Variants in EYS observed in about 807,000 individuals in gnomAD.
EYS encodes protein eyes shut homolog.
EYS carries 250 observed loss-of-function variants against 282.1 expected under a neutral mutation model. That is an observed-to-expected ratio of 0.89 (90% confidence interval 0.80 to 0.98). The LOEUF (loss-of-function observed/expected upper bound fraction) is 0.98. Among genes scored for constraint, EYS ranks in the 50% least tolerant of loss-of-function variants. The pLI, the probability that EYS is intolerant of heterozygous loss-of-function variation, is 0.00. For missense variants in EYS, 4,016 were observed against 3,709.0 expected, an observed-to-expected ratio of 1.08 and a Z score of -2.15; for synonymous variants, 1,355 against 1,282.9, an observed-to-expected ratio of 1.06 and a Z score of -1.20.
chr6:65,254,210 A>T (rs540543086), intron 12 of EYS, among the ~76,000 whole-genome samples: 1 of 151,920 alleles, frequency 6.6e-6, no homozygotes, highest in South Asian at 2.1e-4. Flanking sequence ...TCCCGCACCC[A>T]CACACCCTGA....
intron 28 of EYS, among the ~76,000 whole-genome samples, chr6:64,410,823 C>G (rs982514235): frequency 3.3e-5 from 5 of 152,152 alleles, no homozygotes; most frequent in African/African-American, 1.2e-4. Flanking sequence ...CTCTCACCTA[C>G]TATGATGATA....
In EYS at chr6:65,197,113, T is replaced by G. The variant is rs577860669; in HGVS notation, c.2023+98750A>C. The stretch of plus-strand genomic sequence containing the variant: ...CAGTAGATGCAGTTGTAGGCACTGT[T>G]AGAGGTACATGAGAGGCAGAATACA... On this transcript the variant is annotated intron_variant, in intron 12 of 42. Transcript: ENST00000503581. Among the ~76,000 whole-genome samples, 3 of 152,228 alleles carry G rather than the reference T, an allele frequency of 2.0e-5. No homozygotes were observed. The East Asian group carries it at 5.8e-4, about 30-fold the overall frequency.
chr6:64,240,443 T>G (rs961054827), intron 30 of EYS, among the ~76,000 whole-genome samples: 1 of 152,242 alleles, frequency 6.6e-6, no homozygotes, highest in Non-Finnish European at 1.5e-5. Context: ...CAGTGGTTTG[T>G]AGTTCTCCTT....
At chr6:65,156,558 T>C (rs1764734737) in intron 12 of EYS, among the ~76,000 whole-genome samples, 1 of 151,026 alleles carries the variant, frequency 6.6e-6, no homozygotes, top group Non-Finnish European at 1.5e-5. Context: ...AATATTTCAA[T>C]TAAATTTTGG....
At chr6:64,261,110 A>G (rs1158112855) in intron 30 of EYS, among the ~76,000 whole-genome samples, 1 of 152,076 alleles carries the variant, frequency 6.6e-6, no homozygotes, top group Admixed American at 6.6e-5. Flanking sequence ...TACACCAAAT[A>G]CTAGATCATA....
intron 26 of EYS, among the ~76,000 whole-genome samples, chr6:64,495,364 T>C (rs921048643): frequency 2.2e-4 from 33 of 151,986 alleles, no homozygotes; most frequent in Admixed American, 5.9e-4. Flanking sequence ...GATCTCAACT[T>C]GGACTTGGAA....
intron 2 of EYS, among the ~76,000 whole-genome samples, chr6:65,503,210 T>A (rs933197705): frequency 1.3e-5 from 2 of 151,724 alleles, no homozygotes; most frequent in Non-Finnish European, 3.0e-5. Flanking sequence ...CTTAAATTTC[T>A]AATGACAAAT....
chr6:63,864,497 C>T, intron 35 of EYS, 139 bp from the exon 36 acceptor site: 1 of 452,486 alleles, frequency 2.2e-6, no homozygotes, highest in Non-Finnish European at 3.3e-6. Flanking sequence ...TTTTTTCTCC[C>T]TCTTTTCTGT....
chr6:64,614,822 T>C (rs555180742), intron 24 of EYS, among the ~76,000 whole-genome samples: 7 of 152,222 alleles, frequency 4.6e-5, no homozygotes, highest in Admixed American at 3.9e-4. Flanking sequence ...AGAAGGGTTG[T>C]AGGGATGTTC....
At chr6:64,989,470 T>C (rs1770981100) in intron 14 of EYS, among the ~76,000 whole-genome samples, 1 of 131,608 alleles carries the variant, frequency 7.6e-6, no homozygotes, top group Non-Finnish European at 1.6e-5. Context: ...GTAATATATA[T>C]ATATATATAT....
intron 30 of EYS, among the ~76,000 whole-genome samples, chr6:64,290,634 T>C (rs1356735196): frequency 6.6e-6 from 1 of 151,974 alleles, no homozygotes; most frequent in Non-Finnish European, 1.5e-5. Flanking sequence ...CTCCATCCTT[T>C]GATGCCATTC....
At position 64,912,690 on chromosome 6, in the gene EYS, T is replaced by C; in HGVS notation, c.2435A>G (p.Glu812Gly). ...TGQNCSEEIN[E>G]CDSDPCMNGG... Reference sequence around the variant, plus strand: ...ATTCATGCATGGATCAGAGTCGCATTCATTTATTTCTTCACTACAGTTCTG... The same window carrying C: ...ATTCATGCATGGATCAGAGTCGCATCCATTTATTTCTTCACTACAGTTCTG... Residue 812 changes from glutamate to glycine, a missense_variant, in exon 16 of 43, where the codon GAA becomes GGA. Glu to Gly is a moderately conservative substitution (Grantham distance 98). Transcript: ENST00000503581. The C allele has an allele frequency of 6.6e-7, 1 of 1,522,000 alleles. No individual in the cohort carries two copies. Among genetic ancestry groups the C allele is most frequent in the Non-Finnish European group, 8.9e-7 (1 of 1,128,664 alleles). The allele number at this position is 1,522,000 out of a possible 1,614,324, so 94.3% of individuals were successfully genotyped here. A position where few individuals can be genotyped will look rare whatever the true frequency, so the allele number is the denominator to read the frequency against.
At chr6:64,225,664 A>G (rs930511892) in intron 31 of EYS, among the ~76,000 whole-genome samples, 7 of 152,124 alleles carry the variant, frequency 4.6e-5, no homozygotes, top group African/African-American at 1.7e-4. Context: ...CAAAACCTTG[A>G]TTTAAGCTCA....
intron 26 of EYS, among the ~76,000 whole-genome samples, chr6:64,568,386 A>C (rs181384164): frequency 5.3e-4 from 81 of 152,320 alleles, no homozygotes; most frequent in African/African-American, 1.9e-3. Context: ...ATCAGTGAGC[A>C]TAGTGCCAAG....
chr6:64,606,853 A>T (rs2149841479), intron 24 of EYS, among the ~76,000 whole-genome samples: 1 of 152,198 alleles, frequency 6.6e-6, no homozygotes, highest in African/African-American at 2.4e-5. Context: ...ACACTATCAT[A>T]CAAGGACACC....
At chr6:63,904,282 T>C (rs184549550) in intron 35 of EYS, among the ~76,000 whole-genome samples, 4 of 152,308 alleles carry the variant, frequency 2.6e-5, no homozygotes, top group East Asian at 1.9e-4. Context: ...GTCTGATACA[T>C]TTATTTCTCA....
intron 30 of EYS, among the ~76,000 whole-genome samples, chr6:64,299,571 G>C (rs566247994): frequency 3.3e-4 from 50 of 152,334 alleles, no homozygotes; most frequent in Admixed American, 3.3e-3. Context: ...ATTGGTGCCT[G>C]CTTGGGATTT....
At chr6:65,266,555 T>A (rs1234515113) in intron 12 of EYS, among the ~76,000 whole-genome samples, 1 of 151,950 alleles carries the variant, frequency 6.6e-6, no homozygotes, top group Non-Finnish European at 1.5e-5. Context: ...AAATGCTTTA[T>A]GTAAATTGAT....
chr6:65,005,396 G>T (rs1771611406), intron 13 of EYS, among the ~76,000 whole-genome samples: 1 of 147,414 alleles, frequency 6.8e-6, no homozygotes, highest in Non-Finnish European at 1.5e-5. Context: ...AATCCGTGAG[G>T]CCAAGAGCCC....
Sources: gnomAD v4.1 joint callset for allele counts (sites outside exome capture counted in the v4.1 genomes callset) on GRCh38, gnomAD v4.1.1 for gene constraint, MANE v1.5 for transcripts, NCBI Gene and HGNC (gene_info 2026-07-23, HGNC 2026-07-21) for gene names.